The following ST6GALNAC3 variants were observed in gnomAD, a reference collection of about 807,000 sequenced individuals.
ST6GALNAC3 encodes the protein alpha-N-acetylgalactosaminide alpha-2,6-sialyltransferase 3.
A neutral mutation model predicts 32.7 loss-of-function variants in ST6GALNAC3; 25 were observed. The ratio of observed to expected loss-of-function variants is 0.76; its 90% CI spans 0.56 to 1.07. The LOEUF is 1.07. ST6GALNAC3 is among the 50% of genes least tolerant of loss of function. ST6GALNAC3 has a pLI of 0.00. For missense variants in ST6GALNAC3, 355 were observed against 382.4 expected, an observed-to-expected ratio of 0.93 and a Z score of 0.60; for synonymous variants, 129 against 133.1, an observed-to-expected ratio of 0.97 and a Z score of 0.21.
intron 3 of ST6GALNAC3, among the ~76,000 whole-genome samples, chr1:76,514,240 C>T (rs995314836): frequency 5.9e-5 from 9 of 152,056 alleles, no homozygotes; most frequent in Non-Finnish European, 8.8e-5. Flanking sequence ...GAGGTACATA[C>T]CTTTTATACT....
At chr1:76,600,695 G>C (rs1251652575) in intron 3 of ST6GALNAC3, among the ~76,000 whole-genome samples, 1 of 152,102 alleles carries the variant, frequency 6.6e-6, no homozygotes, top group Non-Finnish European at 1.5e-5. Flanking sequence ...AACATGTCAA[G>C]GTTATTATAA....
chr1:76,165,815 T>A (rs1230028837), intron 1 of ST6GALNAC3, among the ~76,000 whole-genome samples: 1 of 152,246 alleles, frequency 6.6e-6, no homozygotes, highest in African/African-American at 2.4e-5. Context: ...ATGTACATCT[T>A]CTTTTGAAAA....
intron 1 of ST6GALNAC3, among the ~76,000 whole-genome samples, chr1:76,194,491 A>C (rs1355739786): frequency 2.0e-5 from 3 of 152,074 alleles, no homozygotes; most frequent in Non-Finnish European, 4.4e-5. Context: ...TTTCAAAGTA[A>C]TAATAAACCC....
chr1:76,357,326 G>T (rs1018535941), intron 2 of ST6GALNAC3, among the ~76,000 whole-genome samples: 1 of 151,894 alleles, frequency 6.6e-6, no homozygotes, highest in African/African-American at 2.4e-5. Context: ...AGTAGAGACA[G>T]GGTTTTGCCG....
At chr1:76,533,278 T>C (rs1390914575) in intron 3 of ST6GALNAC3, among the ~76,000 whole-genome samples, 3 of 152,196 alleles carry the variant, frequency 2.0e-5, no homozygotes, top group Non-Finnish European at 2.9e-5. Flanking sequence ...TACATCCTCA[T>C]GGCACTGTCG....
At chr1:76,448,720 G>A (rs1233393336) in intron 3 of ST6GALNAC3, among the ~76,000 whole-genome samples, 1 of 152,068 alleles carries the variant, frequency 6.6e-6, no homozygotes, top group Admixed American at 6.6e-5. Context: ...CTTTTTGCCT[G>A]CCACCATTCA....
intron 3 of ST6GALNAC3, among the ~76,000 whole-genome samples, chr1:76,612,289 T>A (rs919610659): frequency 1.6e-4 from 24 of 152,068 alleles, no homozygotes; most frequent in African/African-American, 5.8e-4. Context: ...TGTTCCACAG[T>A]GGGTGGAGGT....
intron 3 of ST6GALNAC3, among the ~76,000 whole-genome samples, chr1:76,450,804 A>T (rs968751421): frequency 6.6e-6 from 1 of 152,178 alleles, no homozygotes; most frequent in African/African-American, 2.4e-5. Context: ...TTTGTTGAAT[A>T]GGGGGTCCTT....
chr1:76,178,102 G>A (rs1287001921), intron 1 of ST6GALNAC3, among the ~76,000 whole-genome samples: 1 of 152,216 alleles, frequency 6.6e-6, no homozygotes, highest in Non-Finnish European at 1.5e-5. Flanking sequence ...TTATGAGGCT[G>A]TAAGATTTTG....
intron 1 of ST6GALNAC3, among the ~76,000 whole-genome samples, chr1:76,211,314 A>G (rs1655144496): frequency 6.6e-6 from 1 of 152,222 alleles, no homozygotes; most frequent in Non-Finnish European, 1.5e-5. Context: ...GTGGAGAAAT[A>G]GGAATACTTT....
rs570529659 is a variant in ST6GALNAC3, at chr1:76,251,580, CTGTT to C, written c.19-62222_19-62219del. Among the ~76,000 whole-genome samples the C allele has an allele frequency of 2.0e-5, 3 of 152,290 alleles. No homozygotes were observed. In the East Asian group the frequency reaches 5.8e-4, roughly 29 times the overall value. On this transcript the variant is annotated intron_variant, in intron 1 of 4. Transcript: ENST00000328299. ...CTCCCTGAAATACCCTTTCTTTTGACTGTTTGGTAAACTCTTAGTCATTCTATAA... is the reference window on the plus strand; with the variant it reads ...CTCCCTGAAATACCCTTTCTTTTGACTGGTAAACTCTTAGTCATTCTATAA...
intron 1 of ST6GALNAC3, chr1:76,310,051 C>T (rs150783102): frequency 1.1e-5 from 5 of 468,508 alleles, no homozygotes; most frequent in Non-Finnish European, 2.1e-5. Context: ...AAACCCCCAG[C>T]CATGCAATGC....
intron 1 of ST6GALNAC3, among the ~76,000 whole-genome samples, chr1:76,129,637 T>C (rs1333254860): frequency 6.6e-6 from 1 of 152,144 alleles, no homozygotes; most frequent in African/African-American, 2.4e-5. Context: ...TGCCATGGGA[T>C]TGTGTCCATT....
chr1:76,113,182 T>A (rs1448993505), intron 1 of ST6GALNAC3, among the ~76,000 whole-genome samples: 2 of 151,590 alleles, frequency 1.3e-5, no homozygotes, highest in Non-Finnish European at 2.9e-5. Flanking sequence ...CCAAAAAAAA[T>A]ACGAAAACCA....
intron 3 of ST6GALNAC3, among the ~76,000 whole-genome samples, chr1:76,594,144 G>T (rs896050338): frequency 6.6e-6 from 1 of 152,116 alleles, no homozygotes; most frequent in African/African-American, 2.4e-5. Flanking sequence ...TGTGATTTTA[G>T]TCATGGCTCG....
intron 1 of ST6GALNAC3, among the ~76,000 whole-genome samples, chr1:76,132,178 G>C (rs1175606436): frequency 6.6e-6 from 1 of 152,188 alleles, no homozygotes; most frequent in Non-Finnish European, 1.5e-5. Flanking sequence ...CACTGTGGGA[G>C]CGTGGAGCCT....
At chr1:76,205,454 C>A (rs1323862172) in intron 1 of ST6GALNAC3, among the ~76,000 whole-genome samples, 1 of 152,082 alleles carries the variant, frequency 6.6e-6, no homozygotes, top group Non-Finnish European at 1.5e-5. Flanking sequence ...CTACAGAAGA[C>A]TGACCTTGGG....
chr1:76,518,474 G>T (rs1022844354), intron 3 of ST6GALNAC3, among the ~76,000 whole-genome samples: 12 of 151,632 alleles, frequency 7.9e-5, no homozygotes, highest in African/African-American at 2.9e-4. Flanking sequence ...TTTGTATTAA[G>T]CTTATTTTAT....
intron 3 of ST6GALNAC3, among the ~76,000 whole-genome samples, chr1:76,578,704 C>T (rs1481294412): frequency 6.6e-6 from 1 of 151,952 alleles, no homozygotes; most frequent in Non-Finnish European, 1.5e-5. Context: ...TCTGTATGCT[C>T]ATTCACATGG....
Sources: gnomAD v4.1 joint callset for allele counts (sites outside exome capture counted in the v4.1 genomes callset) on GRCh38, gnomAD v4.1.1 for gene constraint, MANE v1.5 for transcripts, NCBI Gene and HGNC (gene_info 2026-07-23, HGNC 2026-07-21) for gene names.